STIM2: variants seen among roughly 807,000 people sequenced by gnomAD.
The protein encoded by STIM2 is stromal interaction molecule 2.
In STIM2, 31 loss-of-function variants were observed where a neutral mutation model predicts 85.8. The observed-to-expected ratio is 0.36, with a 90% CI of 0.27 to 0.49. STIM2 has a LOEUF of 0.49. STIM2 is among the 20% of genes least tolerant of loss of function. STIM2 has a pLI of 0.98. For missense variants in STIM2, 841 were observed against 927.6 expected (o/e 0.91, Z 1.21); for synonymous variants, 356 against 331.1 (o/e 1.08, Z -0.82).
chr4:26,976,132 C>T (rs28570016), intron 3 of STIM2, among the ~76,000 whole-genome samples: 46,099 of 151,896 alleles, frequency 0.3, 7,375 homozygotes, highest in East Asian at 0.62. Flanking sequence ...GGGAGTGTTC[C>T]GATTTTCCAG....
At chr4:26,963,736 C>T (rs1047206143) in intron 3 of STIM2, among the ~76,000 whole-genome samples, 6 of 152,102 alleles carry the variant, frequency 3.9e-5, no homozygotes, top group African/African-American at 1.4e-4. Flanking sequence ...AGGGAGATGG[C>T]TCTTCAACAA....
chr4:26,968,932 CT>C (rs138420808), intron 3 of STIM2, among the ~76,000 whole-genome samples: 1,981 of 152,208 alleles, frequency 0.013, 14 homozygotes, highest in South Asian at 0.029. Flanking sequence ...TCAGCAATTA[CT>C]TTTTGAACAC....
chr4:26,879,950 C>T (rs887715676), intron 1 of STIM2, among the ~76,000 whole-genome samples: 2 of 152,170 alleles, frequency 1.3e-5, no homozygotes, highest in African/African-American at 4.8e-5. Context: ...CTACCATTCC[C>T]TCTTACTGGG....
intron 3 of STIM2, among the ~76,000 whole-genome samples, chr4:26,959,721 T>C (rs1362023749): frequency 6.6e-6 from 1 of 152,106 alleles, no homozygotes; most frequent in Admixed American, 6.6e-5. Context: ...GATTTTTTTT[T>C]TTTTTAAGCT....
At chr4:26,961,382 A>G (rs530775246) in intron 3 of STIM2, among the ~76,000 whole-genome samples, 1 of 152,184 alleles carries the variant, frequency 6.6e-6, no homozygotes, top group African/African-American at 2.4e-5. Flanking sequence ...GTCACATGTG[A>G]AATGATGTGA....
At chr4:26,894,597 G>A (rs1323856526) in intron 1 of STIM2, among the ~76,000 whole-genome samples, 14 of 150,688 alleles carry the variant, frequency 9.3e-5, no homozygotes, top group Admixed American at 4.0e-4. Flanking sequence ...TAGTTGTGTC[G>A]TATAGCAAGT....
chr4:26,979,648 A>G (rs1007423070), intron 3 of STIM2, among the ~76,000 whole-genome samples: 8 of 152,218 alleles, frequency 5.3e-5, no homozygotes, highest in Admixed American at 1.3e-4. Context: ...TTTAAAGCAA[A>G]TATAATTAAA....
At chr4:26,903,467 TC>T (rs1183191021) in intron 1 of STIM2, among the ~76,000 whole-genome samples, 3 of 152,208 alleles carry the variant, frequency 2.0e-5, no homozygotes, top group Admixed American at 1.3e-4. Context: ...ACTAGTTATT[TC>T]TGTTTGCTTC....
At chr4:26,950,582 A>G (rs1047017299) in intron 2 of STIM2, among the ~76,000 whole-genome samples, 4 of 152,132 alleles carry the variant, frequency 2.6e-5, no homozygotes, top group African/African-American at 9.7e-5. Flanking sequence ...GCCTTCTGCT[A>G]TATTAGGATG....
intron 2 of STIM2, among the ~76,000 whole-genome samples, chr4:26,934,781 C>T (rs1297192318): frequency 2.6e-5 from 4 of 151,994 alleles, no homozygotes; most frequent in South Asian, 2.1e-4. Context: ...GGCATATTGG[C>T]ACATGCCTGC....
chr4:26,955,077 C>T (rs1207074705), intron 2 of STIM2, among the ~76,000 whole-genome samples: 1 of 145,730 alleles, frequency 6.9e-6, no homozygotes, highest in Non-Finnish European at 1.5e-5. Flanking sequence ...AATTTTATTT[C>T]TAAGAATTCT....
intron 1 of STIM2, among the ~76,000 whole-genome samples, chr4:26,901,750 T>C (rs2093247387): frequency 1.3e-5 from 2 of 152,192 alleles, no homozygotes; most frequent in Admixed American, 1.3e-4. Flanking sequence ...TGCCGAAGAT[T>C]ACATCTTTAA....
intron 10 of STIM2, among the ~76,000 whole-genome samples, chr4:27,013,287 T>C (rs1004368057): frequency 6.6e-6 from 1 of 151,988 alleles, no homozygotes; most frequent in African/African-American, 2.4e-5. Flanking sequence ...TTACATAACT[T>C]TTATTACAGT....
At chr4:27,018,345 C>T (rs923971592) in intron 11 of STIM2, among the ~76,000 whole-genome samples, 4 of 152,168 alleles carry the variant, frequency 2.6e-5, no homozygotes, top group East Asian at 1.9e-4. Context: ...AGCTGCATGG[C>T]GGCTGCTCTC....
intron 2 of STIM2, among the ~76,000 whole-genome samples, chr4:26,951,527 C>T (rs2109088786): frequency 6.6e-6 from 1 of 152,130 alleles, no homozygotes; most frequent in Middle Eastern, 3.4e-3. Flanking sequence ...GTGTTCATGC[C>T]TTGTGTTCAG....
At chr4:27,021,094 T>C in intron 11 of STIM2, 1 of 1,522,156 alleles carries the variant, frequency 6.6e-7, no homozygotes, top group Non-Finnish European at 8.8e-7. Context: ...TCCCTGTTCT[T>C]TAATATCTCA....
At chr4:26,930,784 C>T (rs1267887027) in intron 2 of STIM2, among the ~76,000 whole-genome samples, 2 of 152,142 alleles carry the variant, frequency 1.3e-5, no homozygotes, top group Non-Finnish European at 2.9e-5. Context: ...AGATTAAATA[C>T]ATATATTTTT....
chr4:27,018,475 T>C (rs1255030687), intron 11 of STIM2, among the ~76,000 whole-genome samples: 2 of 152,256 alleles, frequency 1.3e-5, no homozygotes, highest in Non-Finnish European at 2.9e-5. Context: ...TCCGTCTCTC[T>C]GATCTCTAGA....
intron 1 of STIM2, among the ~76,000 whole-genome samples, chr4:26,884,656 T>C (rs1263955716): frequency 6.6e-6 from 1 of 152,210 alleles, no homozygotes; most frequent in Non-Finnish European, 1.5e-5. Context: ...CATCTGTCAG[T>C]TGGCTGTAGT....
Sources: allele counts gnomAD v4.1 joint callset (sites outside exome capture counted in the v4.1 genomes callset), GRCh38; gene constraint gnomAD v4.1.1; transcripts MANE v1.5; gene names NCBI Gene and HGNC (gene_info 2026-07-23, HGNC 2026-07-21).